PDE10A: variants seen among roughly 807,000 people sequenced by gnomAD.
PDE10A encodes the protein cAMP and cAMP-inhibited cGMP 3',5'-cyclic phosphodiesterase 10A.
Under a neutral mutation model 97.7 loss-of-function variants are expected in PDE10A, and 39 were observed. The ratio of observed to expected loss-of-function variants is 0.40; its 90% CI spans 0.31 to 0.52. The LOEUF (loss-of-function observed/expected upper bound fraction) is 0.52, where lower values mean the gene tolerates loss of function less well. Among genes scored for constraint, PDE10A ranks in the 20% least tolerant of loss-of-function variants. PDE10A has a pLI of 0.56. For missense variants in PDE10A, 731 were observed against 1,047.8 expected (o/e 0.70, Z 4.17); for synonymous variants, 371 against 376.8 (o/e 0.98, Z 0.18).
At chr6:165,459,407 T>C (rs1024595937) in intron 3 of PDE10A, among the ~76,000 whole-genome samples, 3 of 152,010 alleles carry the variant, frequency 2.0e-5, no homozygotes, top group Non-Finnish European at 4.4e-5. Flanking sequence ...TTCAAAGAAA[T>C]CCCAGTTCCC....
In PDE10A at chr6:165,732,619, G is replaced by A. The variant is rs369971526; in HGVS notation, c.-614-189051C>T. ...ATCTCTAACCATGTCATTAACATGA[G>A]TGGGCTCATTGCTGAAGTTACACTC... On this transcript the variant is annotated intron_variant, in intron 1 of 19. Coordinates refer to the PDE10A transcript ENST00000366882. 3.2e-4 allele frequency among the ~76,000 whole-genome samples: 49 copies of A among 152,346 alleles called. No homozygotes were observed. In the East Asian group the frequency reaches 7.3e-3, roughly 23 times the overall value.
chr6:165,721,632 A>G (rs1228305947), intron 1 of PDE10A, among the ~76,000 whole-genome samples: 2 of 152,246 alleles, frequency 1.3e-5, no homozygotes, highest in African/African-American at 4.8e-5. Context: ...GGAAAAATCA[A>G]CAGAACAAGA....
intron 1 of PDE10A, among the ~76,000 whole-genome samples, chr6:165,973,426 AAT>A (rs1255970232): frequency 2.5e-4 from 37 of 147,140 alleles, no homozygotes; most frequent in African/African-American, 8.9e-4. Context: ...AAAAAAAAAA[AAT>A]AAAATAAAAA....
At chr6:165,748,052 T>C (rs1792882993) in intron 1 of PDE10A, among the ~76,000 whole-genome samples, 1 of 152,042 alleles carries the variant, frequency 6.6e-6, no homozygotes, top group Admixed American at 6.5e-5. Flanking sequence ...ATTGGGGAAG[T>C]CCTACACGAT....
chr6:165,505,756 T>G (rs1005891799), intron 2 of PDE10A, among the ~76,000 whole-genome samples: 4 of 152,218 alleles, frequency 2.6e-5, no homozygotes, highest in African/African-American at 4.8e-5. Flanking sequence ...CAACACACAT[T>G]TAAAAATCTT....
chr6:165,651,672 T>C (rs140263100), intron 1 of PDE10A, among the ~76,000 whole-genome samples: 239 of 152,346 alleles, frequency 1.6e-3, no homozygotes, highest in African/African-American at 5.4e-3. Flanking sequence ...CTTCTGGTTT[T>C]TGAGTCCCAT....
chr6:165,797,023 G>T (rs1033782599), intron 1 of PDE10A, among the ~76,000 whole-genome samples: 49 of 152,332 alleles, frequency 3.2e-4, no homozygotes, highest in African/African-American at 1.1e-3. Context: ...AATACTTTGA[G>T]AGTGAATGGA....
chr6:165,406,457 T>C (rs550122711), intron 13 of PDE10A, among the ~76,000 whole-genome samples: 1 of 152,328 alleles, frequency 6.6e-6, no homozygotes, highest in African/African-American at 2.4e-5. Context: ...CTTGGAAGTA[T>C]GTCCCAAGTG....
intron 5 of PDE10A, among the ~76,000 whole-genome samples, chr6:165,444,905 T>A (rs1190923373): frequency 6.6e-6 from 1 of 152,180 alleles, no homozygotes; most frequent in East Asian, 1.9e-4. Context: ...CTTTCTTTTT[T>A]TAACCCTTAG....
intron 1 of PDE10A, among the ~76,000 whole-genome samples, chr6:165,753,195 C>T (rs552478698): frequency 1.7e-4 from 26 of 152,098 alleles, no homozygotes; most frequent in Non-Finnish European, 3.4e-4. Flanking sequence ...TTGTAGGTAA[C>T]CAAAACAGTT....
At chr6:165,665,697 A>G (rs1790481228), upstream of PDE10A, among the ~76,000 whole-genome samples, 1 of 152,126 alleles carries the variant, frequency 6.6e-6, no homozygotes, top group Non-Finnish European at 1.5e-5. Flanking sequence ...TTGCAAAGAA[A>G]AAAAAAAAAC....
chr6:165,358,958 A>C (rs1298562695), intron 18 of PDE10A, among the ~76,000 whole-genome samples: 2 of 151,732 alleles, frequency 1.3e-5, no homozygotes, highest in African/African-American at 2.4e-5. Context: ...CTGAAAATTA[A>C]TGTTCTTCCA....
chr6:165,445,202 C>A (rs572000240), intron 5 of PDE10A, among the ~76,000 whole-genome samples: 2 of 152,186 alleles, frequency 1.3e-5, no homozygotes, highest in African/African-American at 4.8e-5. Flanking sequence ...CTATTGCCAG[C>A]GATACAGCAG....
chr6:165,754,435 T>C (rs1793072175), intron 1 of PDE10A: 1 of 152,238 alleles, frequency 6.6e-6, no homozygotes, highest in Admixed American at 6.5e-5. Context: ...ACTAACACTA[T>C]AGATACTCAT....
chr6:165,472,229 C>T (rs1453234573), intron 3 of PDE10A, among the ~76,000 whole-genome samples: 1 of 152,012 alleles, frequency 6.6e-6, no homozygotes, highest in East Asian at 1.9e-4. Flanking sequence ...GTAATTTCCT[C>T]AACATTGGCC....
chr6:165,609,281 A>G (rs183018276), intron 1 of PDE10A, among the ~76,000 whole-genome samples: 14 of 152,360 alleles, frequency 9.2e-5, no homozygotes, highest in African/African-American at 3.4e-4. Flanking sequence ...CAGTAGATGC[A>G]GAAAAGGCCT....
intron 3 of PDE10A, among the ~76,000 whole-genome samples, chr6:165,475,354 A>G (rs1779236551): frequency 2.0e-5 from 3 of 152,214 alleles, no homozygotes; most frequent in East Asian, 1.9e-4. Flanking sequence ...ACCAGGAAAA[A>G]TAAGTATTTT....
intron 2 of PDE10A, among the ~76,000 whole-genome samples, chr6:165,507,728 G>A (rs567528379): frequency 5.3e-5 from 8 of 151,966 alleles, no homozygotes; most frequent in Middle Eastern, 3.4e-3. Flanking sequence ...GGGAATTATC[G>A]AGTTCTACTG....
intron 18 of PDE10A, among the ~76,000 whole-genome samples, chr6:165,372,576 A>G (rs925242036): frequency 2.7e-5 from 4 of 150,862 alleles, no homozygotes; most frequent in Admixed American, 6.6e-5. Flanking sequence ...ATGAAATAAA[A>G]GAGGATACAC....
Sources: gnomAD v4.1 joint callset for allele counts (sites outside exome capture counted in the v4.1 genomes callset) on GRCh38, gnomAD v4.1.1 for gene constraint, MANE v1.5 for transcripts, NCBI Gene and HGNC (gene_info 2026-07-23, HGNC 2026-07-21) for gene names.